The following DOCK1 variants were observed in gnomAD, a reference collection of about 807,000 sequenced individuals.
DOCK1 encodes the protein dedicator of cytokinesis 1.
DOCK1 carries 138 observed loss-of-function variants against 262.7 expected under a neutral mutation model. That is an observed-to-expected ratio of 0.53 (90% CI 0.46 to 0.61). The LOEUF (loss-of-function observed/expected upper bound fraction) is 0.61, where lower values mean the gene tolerates loss of function less well. Ranked by LOEUF, DOCK1 falls within the 20% of genes least tolerant of loss-of-function variation. The probability of loss-of-function intolerance (pLI) is 0.00; values close to 1 mark genes in which losing one functional copy is unlikely to be tolerated. For synonymous variants in DOCK1, 866 were observed against 867.4 expected (o/e 1.00, Z 0.03); for missense variants, 1,908 against 2,370.7 (o/e 0.80, Z 4.05).
rs71032535 is a variant in DOCK1, at chr10:127,070,250, C to CTTTTTTTTT, written c.2445+8487_2445+8495dup. ...CAAGGGTTGGAACTTGAATTTAGCCCTTTTTTTTTTTTTTTTTTTTTGAGA... is the reference window on the plus strand; with the variant it reads ...CAAGGGTTGGAACTTGAATTTAGCCCTTTTTTTTTTTTTTTTTTTTTTTTTTTTTTGAGA... On this transcript the variant is annotated intron_variant, in intron 23 of 51. Transcript: ENST00000623213. 1.4e-4 allele frequency among the ~76,000 whole-genome samples: 13 copies of CTTTTTTTTT among 92,950 alleles called. 1 individual carries two copies. The highest frequency in any genetic ancestry group is 1.8e-4 in the Non-Finnish European group (9 of 51,092). 61.0% of individuals were successfully genotyped at this position (92,950 alleles called of 152,430 possible). A position where few individuals can be genotyped will look rare whatever the true frequency, so the allele number is the denominator to read the frequency against.
chr10:127,323,529 G>A (rs1250921034), intron 29 of DOCK1, among the ~76,000 whole-genome samples: 2 of 152,224 alleles, frequency 1.3e-5, no homozygotes, highest in Non-Finnish European at 2.9e-5. Context: ...TGTAACACCA[G>A]GCACTCGAGT....
At chr10:127,125,718 T>G (rs1365121915) in intron 26 of DOCK1, 117 bp downstream of exon 26, 2 of 1,416,688 alleles carry the variant, frequency 1.4e-6, no homozygotes, top group East Asian at 5.0e-5. Flanking sequence ...CTAGCCTCTC[T>G]TTTTGTCTCG....
At chr10:127,167,791 C>T (rs184851647) in intron 27 of DOCK1, among the ~76,000 whole-genome samples, 6 of 152,160 alleles carry the variant, frequency 3.9e-5, no homozygotes, top group Non-Finnish European at 1.5e-5. Flanking sequence ...AGCTTCATGT[C>T]TCCATTTAGT....
intron 29 of DOCK1, among the ~76,000 whole-genome samples, chr10:127,305,217 TCA>T: frequency 6.6e-6 from 1 of 152,196 alleles, no homozygotes; most frequent in African/African-American, 2.4e-5. Context: ...ATTCATTTTC[TCA>T]TGTCACATTT....
At chr10:127,027,207 G>A (rs944498830) in intron 16 of DOCK1, among the ~76,000 whole-genome samples, 9 of 152,376 alleles carry the variant, frequency 5.9e-5, no homozygotes, top group Middle Eastern at 6.8e-3. Context: ...TGATGACCCC[G>A]TGGGGGTCAC....
chr10:127,117,286 A>G (rs1239183314), intron 25 of DOCK1, among the ~76,000 whole-genome samples: 1 of 152,216 alleles, frequency 6.6e-6, no homozygotes, highest in Non-Finnish European at 1.5e-5. Context: ...TGCTCAGATA[A>G]GGACACCAGA....
rs879720585 is a variant in DOCK1, at chr10:126,920,988, G to A, written c.46+15425G>A. ...GAGGCGGGCAGATCACCTGAGGTCA[G>A]GAGTTTGAGACTAGCCTGGGCAACA... On this transcript the variant is annotated intron_variant, in intron 1 of 51. Coordinates refer to ENST00000623213, the MANE Select transcript of DOCK1 (RefSeq NM_001290223.2). Among the ~76,000 whole-genome samples the A allele has an allele frequency of 7.2e-5, 11 of 152,150 alleles. 1 individual carries two copies. Among genetic ancestry groups the A allele is most frequent in the Non-Finnish European group, 1.3e-4 (9 of 68,032 alleles).
rs188066215 is a variant in DOCK1 at position 127,451,271 on chromosome 10, C to T, written c.5566-61C>T. The T allele has an allele frequency of 2.9e-3, 4,472 of 1,531,706 alleles. 13 individuals are homozygous for T. Among genetic ancestry groups the T allele is most frequent in the Non-Finnish European group, 3.5e-3 (3,912 of 1,131,332 alleles). 94.9% of individuals were successfully genotyped at this position (1,531,706 alleles called of 1,614,324 possible). A position where few individuals can be genotyped will look rare whatever the true frequency, so the allele number is the denominator to read the frequency against. Reference sequence around the variant, plus strand: ...TGCCAGGTCAGACCCCACCTGGAGACGGTGTCTTTTCTGTCAGGACATCAG... The same window carrying T: ...TGCCAGGTCAGACCCCACCTGGAGATGGTGTCTTTTCTGTCAGGACATCAG... On this transcript the variant is annotated intron_variant, in intron 51 of 51. Coordinates refer to ENST00000623213, the MANE Select transcript of DOCK1 (RefSeq NM_001290223.2).
intron 28 of DOCK1, among the ~76,000 whole-genome samples, chr10:127,253,765 C>T (rs1373769132): frequency 6.7e-6 from 1 of 149,078 alleles, no homozygotes; most frequent in Non-Finnish European, 1.5e-5. Context: ...GTCTCAGCTA[C>T]TTGGGAGGCT....
intron 27 of DOCK1, among the ~76,000 whole-genome samples, chr10:127,201,628 A>G (rs771461353): frequency 3.9e-5 from 6 of 152,170 alleles, no homozygotes; most frequent in Admixed American, 2.0e-4. Flanking sequence ...GCTCCCTGCA[A>G]CTGAGGCAGT....
At chr10:127,172,041 G>A (rs534030893) in intron 27 of DOCK1, among the ~76,000 whole-genome samples, 1 of 152,288 alleles carries the variant, frequency 6.6e-6, no homozygotes, top group Admixed American at 6.5e-5. Context: ...TGAGTTCATT[G>A]TCGTATCATA....
intron 29 of DOCK1, among the ~76,000 whole-genome samples, chr10:127,310,887 A>AG (rs1309342674): frequency 6.6e-6 from 1 of 152,260 alleles, no homozygotes; most frequent in Admixed American, 6.5e-5. Context: ...AAGAAAAAAA[A>AG]GGACAGCCAA....
intron 1 of DOCK1, among the ~76,000 whole-genome samples, chr10:126,910,009 A>G (rs896026794): frequency 6.6e-6 from 1 of 151,892 alleles, no homozygotes; most frequent in Non-Finnish European, 1.5e-5. Context: ...GCTCTAAGCA[A>G]TGATAATTGC....
At chr10:126,975,253 G>A (rs755568602) in intron 2 of DOCK1, among the ~76,000 whole-genome samples, 9 of 152,160 alleles carry the variant, frequency 5.9e-5, no homozygotes, top group Non-Finnish European at 1.3e-4. Context: ...CCGGGTATGA[G>A]CACTTAGGTT....
intron 1 of DOCK1, among the ~76,000 whole-genome samples, chr10:126,947,467 T>C (rs1470776892): frequency 7.5e-6 from 1 of 134,148 alleles, no homozygotes; most frequent in Admixed American, 7.5e-5. Flanking sequence ...GTTGGTAGTA[T>C]TACTGTTGGT....
intron 27 of DOCK1, among the ~76,000 whole-genome samples, chr10:127,219,017 G>T (rs2058323524): frequency 6.6e-6 from 1 of 152,180 alleles, no homozygotes; most frequent in African/African-American, 2.4e-5. Context: ...ACCTCTTAAA[G>T]GATGCACTTC....
At position 127,119,115 on chromosome 10, in the gene DOCK1, C is replaced by T. The variant is rs1250085548; in HGVS notation, c.2624-6359C>T. On this transcript the variant is annotated intron_variant, in intron 25 of 51. Transcript: ENST00000623213. ...CTGGAGTGCAGTGGCGCAATCTCGG[C>T]TTACTGCAAGCTCCGTCTCCCAGGT... is the stretch of plus-strand genomic sequence containing the variant. Among the ~76,000 whole-genome samples the T allele has an allele frequency of 2.6e-5, 4 of 151,676 alleles. No homozygotes were observed. In the East Asian group the frequency reaches 7.8e-4, roughly 30 times the overall value.
At chr10:127,340,061 CT>C (rs1300404872) in intron 30 of DOCK1, among the ~76,000 whole-genome samples, 1 of 151,938 alleles carries the variant, frequency 6.6e-6, no homozygotes, top group African/African-American at 2.4e-5. Flanking sequence ...TTGCATTGCC[CT>C]TATTTTTATA....
intron 11 of DOCK1, among the ~76,000 whole-genome samples, chr10:127,009,042 C>T (rs1346293096): frequency 1.3e-5 from 2 of 152,122 alleles, no homozygotes; most frequent in Admixed American, 6.5e-5. Context: ...CACTGAATTG[C>T]CTTATATAGA....
Sources: allele counts gnomAD v4.1 joint callset (sites outside exome capture counted in the v4.1 genomes callset), GRCh38; gene constraint gnomAD v4.1.1; transcripts MANE v1.5; gene names NCBI Gene and HGNC (gene_info 2026-07-23, HGNC 2026-07-21).